Variants in BCAS3 observed in about 807,000 individuals in gnomAD.
BCAS3 encodes BCAS4/BCAS3 fusion.
Under a neutral mutation model 116.1 loss-of-function variants are expected in BCAS3, and 53 were observed. The observed-to-expected ratio is 0.46, with a 90% CI of 0.37 to 0.57. BCAS3 has a LOEUF of 0.57. BCAS3 is among the 20% of genes least tolerant of loss of function. The pLI, the probability that BCAS3 is intolerant of heterozygous loss-of-function variation, is 0.00. For missense variants in BCAS3, 917 were observed against 1,165.4 expected (o/e 0.79, Z 3.10); for synonymous variants, 391 against 408.2 (o/e 0.96, Z 0.51).
chr17:60,896,724 G>A (rs1599522331), intron 10 of BCAS3, among the ~76,000 whole-genome samples: 1 of 150,788 alleles, frequency 6.6e-6, no homozygotes, highest in East Asian at 1.9e-4. Context: ...TGTCTTTATG[G>A]TAAGGTAAGT....
intron 7 of BCAS3, among the ~76,000 whole-genome samples, chr17:60,833,718 G>A (rs1056439119): frequency 6.6e-6 from 1 of 152,068 alleles, no homozygotes; most frequent in African/African-American, 2.4e-5. Flanking sequence ...CAGTGGTAAG[G>A]CACTTATATA....
At chr17:61,340,597 G>A (rs185284069) in intron 22 of BCAS3, among the ~76,000 whole-genome samples, 1 of 152,190 alleles carries the variant, frequency 6.6e-6, no homozygotes, top group Non-Finnish European at 1.5e-5. Context: ...TTAGCATGGT[G>A]TGCTTTCCTC....
chr17:61,043,112 C>T (rs1239869254), intron 19 of BCAS3, among the ~76,000 whole-genome samples: 1 of 151,752 alleles, frequency 6.6e-6, no homozygotes, highest in Non-Finnish European at 1.5e-5. Flanking sequence ...CGCCTGTAAT[C>T]CTAGCACTTT....
chr17:60,781,059 A>G (rs2045784644), intron 6 of BCAS3, among the ~76,000 whole-genome samples: 1 of 151,614 alleles, frequency 6.6e-6, no homozygotes, highest in African/African-American at 2.4e-5. Flanking sequence ...GCCTCCAACT[A>G]CTGGGTTCAA....
intron 22 of BCAS3, among the ~76,000 whole-genome samples, chr17:61,272,886 C>T (rs1054704450): frequency 1.3e-5 from 2 of 152,038 alleles, no homozygotes; most frequent in African/African-American, 4.8e-5. Flanking sequence ...TTCACTGTCA[C>T]GCTGGGGAGT....
Position 61,241,763 on chromosome 17 carries a change from A to G in BCAS3, c.2426-126564A>G, listed in dbSNP as rs2047543472. Among the ~76,000 whole-genome samples the G allele has an allele frequency of 6.6e-6, 1 of 152,156 alleles. No individual in the cohort carries two copies. Among genetic ancestry groups the G allele is most frequent in the East Asian group, 1.9e-4 (1 of 5,172 alleles). ...AATAGTTTGGAGGTAAAATGAGTCT[A>G]AAAAATGTACTTACCTATTTTTTCT... On this transcript the variant is annotated intron_variant, in intron 22 of 23. Coordinates refer to ENST00000407086, the MANE Select transcript of BCAS3 (RefSeq NM_017679.5). The surrounding 1 kb of genome is among the most constrained non-coding windows in gnomAD (Gnocchi z 4.6).
In BCAS3 at chr17:61,141,792, T is replaced by C. The variant is rs1348995017; in HGVS notation, c.2425+57228T>C. Among the ~76,000 whole-genome samples the C allele has an allele frequency of 2.0e-5, 3 of 150,984 alleles. No individual in the cohort carries two copies. The highest frequency in any genetic ancestry group is 4.4e-5 in the Non-Finnish European group (3 of 67,930). On this transcript the variant is annotated intron_variant, in intron 22 of 23. Transcript: ENST00000407086. The surrounding 1 kb of genome is among the most constrained non-coding windows in gnomAD (Gnocchi z 4.3). ...GGCGCACGCCTGTAGTCCCAACTAC[T>C]CAGGAGGCTGAGGCAGGAGAATCGC...
At position 61,007,749 on chromosome 17, in the gene BCAS3, A is replaced by AT. The variant is rs1271650398; in HGVS notation, c.1487-7998dup. On this transcript the variant is annotated intron_variant, in intron 15 of 23. Transcript: ENST00000407086. This position sits in a 1 kb window ranked among gnomAD's most constrained non-coding sequence, Gnocchi z 4.3. ...AGATTGGATTCTTGTTTTCAAGTCC[A>AT]TTTTGTGGGAGATTTCTCTAATCTT... 4.0e-5 allele frequency among the ~76,000 whole-genome samples: 6 copies of AT among 151,808 alleles called. No individual in the cohort carries two copies. The highest frequency in any genetic ancestry group is 2.1e-4 in the South Asian group (1 of 4,818).
rs1189608124 is a variant in BCAS3, at chr17:61,122,548, C to T, written c.2425+37984C>T. 5.3e-5 allele frequency among the ~76,000 whole-genome samples: 8 copies of T among 152,104 alleles called. No homozygotes were observed. Among genetic ancestry groups the T allele is most frequent in the South Asian group, 2.1e-4 (1 of 4,824 alleles). On this transcript the variant is annotated intron_variant, in intron 22 of 23. Coordinates refer to ENST00000407086, the MANE Select transcript of BCAS3 (RefSeq NM_017679.5). The surrounding 1 kb of genome is among the most constrained non-coding windows in gnomAD (Gnocchi z 4.6). ...CACACATCTGCTAATGCAAAAGCCC[C>T]GTGTGAGCATTAGTACTCAGGAATG... is the stretch of plus-strand genomic sequence containing the variant.
At chr17:61,317,960 G>A (rs970288909) in intron 22 of BCAS3, among the ~76,000 whole-genome samples, 14 of 87,170 alleles carry the variant, frequency 1.6e-4, no homozygotes, top group Admixed American at 5.5e-4. Context: ...GAGCCTGAAC[G>A]AATGCCATAC....
intron 6 of BCAS3, among the ~76,000 whole-genome samples, chr17:60,796,455 G>A (rs73316774): frequency 0.044 from 6,709 of 152,108 alleles, 543 homozygotes; most frequent in African/African-American, 0.15. Flanking sequence ...TTTAAGCTAG[G>A]TTGTATTTTT....
At chr17:61,036,278 C>G (rs1230819088) in intron 17 of BCAS3, 3 of 152,170 alleles carry the variant, frequency 2.0e-5, no homozygotes, top group African/African-American at 4.8e-5. Flanking sequence ...CAAAATGGCT[C>G]TCCTTTATGC....
rs1055214452 is a variant in BCAS3 at position 61,139,692 on chromosome 17, G to A, written c.2425+55128G>A. On this transcript the variant is annotated intron_variant, in intron 22 of 23. Transcript: ENST00000407086. This position sits in a 1 kb window ranked among gnomAD's most constrained non-coding sequence, Gnocchi z 4.7. ...AAGTCATCATGCTACATGATGTAGG[G>A]AATATAAAAAATGAAGAAGGCATGC... Among the ~76,000 whole-genome samples, 5 of 152,136 alleles carry A rather than the reference G, an allele frequency of 3.3e-5. No homozygotes were observed. Among genetic ancestry groups the A allele is most frequent in the Non-Finnish European group, 7.3e-5 (5 of 68,032 alleles).
chr17:61,340,426 C>T (rs1014385190), intron 22 of BCAS3, among the ~76,000 whole-genome samples: 5 of 151,730 alleles, frequency 3.3e-5, no homozygotes, highest in African/African-American at 9.7e-5. Flanking sequence ...CCACTGAAAG[C>T]GAGAATGGTG....
At chr17:60,877,451 A>G (rs1179772750) in intron 9 of BCAS3, among the ~76,000 whole-genome samples, 1 of 152,204 alleles carries the variant, frequency 6.6e-6, no homozygotes, top group Non-Finnish European at 1.5e-5. Context: ...GATAAAAGTG[A>G]ACAGGAGACT....
rs1555635341 is a variant in BCAS3, at chr17:60,962,057, T to TAC, written c.1221+14706_1221+14707dup. On this transcript the variant is annotated intron_variant, in intron 14 of 23. Transcript: ENST00000407086. The surrounding 1 kb of genome is among the most constrained non-coding windows in gnomAD (Gnocchi z 4.4). ...AAGCTGAATATTTCATTGCTATATA[T>TAC]ACCATATATGCTTTATTTATTCATC... Among the ~76,000 whole-genome samples the TAC allele has an allele frequency of 6.6e-6, 1 of 152,222 alleles. No homozygotes were observed. The highest frequency in any genetic ancestry group is 1.9e-4 in the East Asian group (1 of 5,204).
intron 22 of BCAS3, among the ~76,000 whole-genome samples, chr17:61,232,899 C>T (rs1002296665): frequency 6.6e-6 from 1 of 152,094 alleles, no homozygotes; most frequent in African/African-American, 2.4e-5. Flanking sequence ...TAGCCTTGAG[C>T]TAGTATTGTA....
intron 22 of BCAS3, among the ~76,000 whole-genome samples, chr17:61,153,714 CA>C (rs1414922758): frequency 2.6e-5 from 4 of 152,106 alleles, no homozygotes; most frequent in Admixed American, 6.6e-5. Flanking sequence ...TATCATGTAT[CA>C]TTTTTTTTCT....
intron 6 of BCAS3, among the ~76,000 whole-genome samples, chr17:60,757,024 G>A (rs1425435080): frequency 6.6e-6 from 1 of 152,042 alleles, no homozygotes; most frequent in Non-Finnish European, 1.5e-5. Context: ...TTAGCTGGGC[G>A]TGTTGGCGCG....
Sources: gnomAD v4.1 joint callset for allele counts (sites outside exome capture counted in the v4.1 genomes callset) on GRCh38, gnomAD v4.1.1 for gene constraint, Gnocchi (gnomAD v3.1) non-coding constraint, MANE v1.5 for transcripts, NCBI Gene and HGNC (gene_info 2026-07-23, HGNC 2026-07-21) for gene names.